Variants in DAW1 observed in about 807,000 individuals in gnomAD.
The protein encoded by DAW1 is dynein assembly factor with WD repeats 1, also known as dynein assembly factor with WD repeat domains 1.
In DAW1, 47 loss-of-function variants were observed where a neutral mutation model predicts 56.5. The observed-to-expected ratio is 0.83, with a 90% CI of 0.66 to 1.06. The LOEUF is 1.06. Among genes scored for constraint, DAW1 ranks in the 50% least tolerant of loss-of-function variants. The pLI is 0.00. For synonymous variants in DAW1, 190 were observed against 179.0 expected, an observed-to-expected ratio of 1.06 and a Z score of -0.49; for missense variants, 505 against 499.3, an observed-to-expected ratio of 1.01 and a Z score of -0.11.
At chr2:227,871,758 C>CG in intron 1 of DAW1, 29 bp downstream of exon 1, 2 of 1,613,284 alleles carry the variant, frequency 1.2e-6, no homozygotes, top group Admixed American at 1.7e-5. Context: ...CCGTCATCCC[C>CG]ACGTGGGACC....
intron 4 of DAW1, 131 bp from the exon 5 acceptor site, chr2:227,893,664 T>G: frequency 7.2e-7 from 1 of 1,381,238 alleles, no homozygotes; most frequent in Non-Finnish European, 9.5e-7. Flanking sequence ...AGAGCGAGAC[T>G]CCCTCTTAAA....
chr2:227,897,322 A>G (rs1691433704), intron 5 of DAW1, among the ~76,000 whole-genome samples: 1 of 152,076 alleles, frequency 6.6e-6, no homozygotes, highest in Non-Finnish European at 1.5e-5. Context: ...CCTAGACACT[A>G]TAGAAATATG....
intron 12 of DAW1, among the ~76,000 whole-genome samples, chr2:227,922,278 G>A (rs1692127665): frequency 6.6e-6 from 1 of 152,210 alleles, no homozygotes; most frequent in African/African-American, 2.4e-5. Context: ...TTTCTCCCCT[G>A]CTAAAGCACT....
rs368741926 is a variant in DAW1 at position 227,907,133 on chromosome 2, T to C, written c.859-5T>C. ...TTTTTTTGTTTTTTGTTCTTTTAATTGTAGCTGTGGGATGCTACAAATGGA... is the reference window on the plus strand; with the variant it reads ...TTTTTTTGTTTTTTGTTCTTTTAATCGTAGCTGTGGGATGCTACAAATGGA... On this transcript the variant is annotated splice_polypyrimidine_tract_variant and splice_region_variant and intron_variant, in intron 9 of 12. Transcript: ENST00000309931. The C allele has an allele frequency of 1.9e-6, 3 of 1,596,600 alleles. No homozygotes were observed. The highest frequency in any genetic ancestry group is 2.6e-6 in the Non-Finnish European group (3 of 1,173,484).
chr2:227,880,543 C>T (rs1458129589), intron 1 of DAW1, among the ~76,000 whole-genome samples: 3 of 152,108 alleles, frequency 2.0e-5, no homozygotes, highest in African/African-American at 7.2e-5. Context: ...AAAATTATGC[C>T]AAACTATCCT....
At chr2:227,893,671 TAAACAAAC>T (rs36070997) in intron 4 of DAW1, 116 bp from the exon 5 acceptor site, 76 of 1,399,550 alleles carry the variant, frequency 5.4e-5, no homozygotes, top group African/African-American at 5.0e-4. Context: ...GACTCCCTCT[TAAACAAAC>T]AAACAAACAA....
chr2:227,895,165 T>C (rs1691377470), intron 5 of DAW1, among the ~76,000 whole-genome samples: 1 of 152,136 alleles, frequency 6.6e-6, no homozygotes, highest in African/African-American at 2.4e-5. Flanking sequence ...CTCATTCCAC[T>C]TGCAAGAAAA....
At chr2:227,884,065 G>A (rs772745882) in intron 1 of DAW1, among the ~76,000 whole-genome samples, 1 of 152,160 alleles carries the variant, frequency 6.6e-6, no homozygotes, top group East Asian at 1.9e-4. Flanking sequence ...TTAGCGCTGG[G>A]CTGTTCGGAT....
rs1247969568 is a variant in DAW1 at position 227,876,394 on chromosome 2, A to T, written c.40+4665A>T. 6 of 1,264,508 alleles carry T rather than the reference A, an allele frequency of 4.7e-6. No individual in the cohort carries two copies. The Admixed American group carries it at 1.4e-4, about 31-fold the overall frequency. 78.3% of individuals were successfully genotyped at this position (1,264,508 alleles called of 1,614,324 possible). ...CTATTGCCTTAATGCTTATCTTATA[A>T]TGAGGTCATATTACTTAGCATGCTT... On this transcript the variant is annotated intron_variant, in intron 1 of 12. Transcript: ENST00000309931.
intron 10 of DAW1, among the ~76,000 whole-genome samples, chr2:227,912,089 A>C (rs937449976): frequency 4.6e-5 from 7 of 151,808 alleles, no homozygotes; most frequent in African/African-American, 1.7e-4. Context: ...GCTATGCTCT[A>C]CTCTTCTATG....
intron 1 of DAW1, among the ~76,000 whole-genome samples, chr2:227,877,598 C>T (rs1424007416): frequency 7.9e-5 from 12 of 152,222 alleles, no homozygotes; most frequent in Admixed American, 7.8e-4. Flanking sequence ...TCATGGAAGA[C>T]AATTTTTCCA....
At chr2:227,886,140 G>C (rs1691125577) in intron 2 of DAW1, among the ~76,000 whole-genome samples, 1 of 151,952 alleles carries the variant, frequency 6.6e-6, no homozygotes, top group Non-Finnish European at 1.5e-5. Context: ...TGAGTTTTAA[G>C]AATATTACTG....
At chr2:227,876,714 T>C (rs1203789805) in intron 1 of DAW1, among the ~76,000 whole-genome samples, 2 of 152,240 alleles carry the variant, frequency 1.3e-5, no homozygotes, top group Middle Eastern at 3.2e-3. Context: ...TCCCAAAGGC[T>C]AAATGTACAT....
intron 10 of DAW1, among the ~76,000 whole-genome samples, chr2:227,914,006 CT>C (rs1691893849): frequency 6.6e-6 from 1 of 151,828 alleles, no homozygotes; most frequent in African/African-American, 2.4e-5. Flanking sequence ...CTCTCTCTCT[CT>C]CTCTTTCTTT....
intron 10 of DAW1, among the ~76,000 whole-genome samples, chr2:227,911,253 T>C (rs1339466462): frequency 6.9e-6 from 1 of 144,768 alleles, no homozygotes; most frequent in Non-Finnish European, 1.5e-5. Context: ...TATACATATA[T>C]ACACGTGTAT....
In DAW1 at chr2:227,893,933, C is replaced by T; in HGVS notation, c.440+16C>T. On this transcript the variant is annotated intron_variant, in intron 5 of 12. Transcript: ENST00000309931. ...ATCCTTACGGGTGTGTTCATCCCTT[C>T]ACTTATTTGTTTATTAATTCATTTA... The T allele has an allele frequency of 6.4e-7, 1 of 1,556,646 alleles. No individual in the cohort carries two copies. Among genetic ancestry groups the T allele is most frequent in the South Asian group, 1.2e-5 (1 of 82,482 alleles).
chr2:227,883,234 AGT>A (rs1375802469), intron 1 of DAW1, among the ~76,000 whole-genome samples: 1 of 152,232 alleles, frequency 6.6e-6, no homozygotes, highest in Non-Finnish European at 1.5e-5. Flanking sequence ...AAAAAGTATA[AGT>A]TCAGAAAACT....
chr2:227,920,866 G>A (rs1188847470), intron 11 of DAW1, among the ~76,000 whole-genome samples: 5 of 152,038 alleles, frequency 3.3e-5, no homozygotes, highest in South Asian at 4.2e-4. Context: ...TTTTAGTAGC[G>A]ACGGGGTTTC....
rs764426747 is a variant in DAW1 at position 227,906,380 on chromosome 2, A to G, written c.858+42A>G. 10 of 1,385,766 alleles carry G rather than the reference A, an allele frequency of 7.2e-6. No homozygotes were observed. In the East Asian group the frequency reaches 1.4e-4, roughly 20 times the overall value. The allele number at this position is 1,385,766 out of a possible 1,614,324, so 85.8% of individuals were successfully genotyped here. A position where few individuals can be genotyped will look rare whatever the true frequency, so the allele number is the denominator to read the frequency against. Reference sequence around the variant, plus strand: ...AATATCTTTGCTTTATATTGTGTCTATACTCTTTACTGTGTCAGATATCCA... The same window carrying G: ...AATATCTTTGCTTTATATTGTGTCTGTACTCTTTACTGTGTCAGATATCCA... On this transcript the variant is annotated intron_variant, in intron 9 of 12. Coordinates refer to ENST00000309931, the MANE Select transcript of DAW1 (RefSeq NM_178821.3).
Sources: allele counts gnomAD v4.1 joint callset (sites outside exome capture counted in the v4.1 genomes callset), GRCh38; gene constraint gnomAD v4.1.1; transcripts MANE v1.5; gene names NCBI Gene and HGNC (gene_info 2026-07-23, HGNC 2026-07-21).